Variants in ATF3 observed in about 807,000 individuals in gnomAD.
ATF3 encodes the protein activating transcription factor 3.
ATF3 carries 10 observed loss-of-function variants against 18.4 expected under a neutral mutation model. The ratio of observed to expected loss-of-function variants is 0.54; its 90% CI spans 0.34 to 0.92. The LOEUF is 0.92. ATF3 is among the 40% of genes least tolerant of loss of function. The pLI is 0.02. For missense variants in ATF3, 183 were observed against 222.3 expected, an observed-to-expected ratio of 0.82 and a Z score of 1.12; for synonymous variants, 78 against 87.9, an observed-to-expected ratio of 0.89 and a Z score of 0.63.
chr1:212,575,988 C>A (rs74138382), intron 1 of ATF3, among the ~76,000 whole-genome samples: 13,227 of 152,050 alleles, frequency 0.087, 1,256 homozygotes, highest in African/African-American at 0.25. Context: ...AAAATAAGTT[C>A]GGAAATTCTC....
chr1:212,566,219 T>A (rs1333932503), intron 1 of ATF3, among the ~76,000 whole-genome samples: 4 of 152,160 alleles, frequency 2.6e-5, no homozygotes, highest in African/African-American at 9.7e-5. Flanking sequence ...TTTTGGTTAC[T>A]CCTCTCATCT....
chr1:212,585,462 C>A (rs1664763642), intron 1 of ATF3, among the ~76,000 whole-genome samples: 1 of 152,202 alleles, frequency 6.6e-6, no homozygotes, highest in Admixed American at 6.5e-5. Context: ...CAGGCTTCAC[C>A]ATCAGAGGAG....
At chr1:212,605,102 A>T (rs936508184), upstream of ATF3, among the ~76,000 whole-genome samples, 2 of 152,194 alleles carry the variant, frequency 1.3e-5, no homozygotes, top group Admixed American at 6.5e-5. Flanking sequence ...TAATTAATTA[A>T]TGATACCACT....
chr1:212,583,010 C>T (rs1157627548), intron 1 of ATF3, among the ~76,000 whole-genome samples: 1 of 152,100 alleles, frequency 6.6e-6, no homozygotes, highest in Non-Finnish European at 1.5e-5. Context: ...CCCTTCATCT[C>T]TCCAGGGAAA....
chr1:212,588,030 G>T (rs1164504089), intron 1 of ATF3, among the ~76,000 whole-genome samples: 3 of 151,464 alleles, frequency 2.0e-5, no homozygotes, highest in Non-Finnish European at 4.4e-5. Flanking sequence ...TATGGGAGGT[G>T]AGTGAGAGGG....
chr1:212,618,781 GC>G lies in ATF3; in HGVS notation c.348+548del. ...CGCCTGAGAGACACTAGGGGAAATA[GC>G]TTTTGTGGGCAAGCAGGGTGGCCGG... On this transcript the variant is annotated intron_variant, in intron 3 of 3. Transcript: ENST00000341491. The surrounding 1 kb of genome is among the most constrained non-coding windows in gnomAD (Gnocchi z 4.4). 1.8e-6 allele frequency: 1 copy of G among 555,114 alleles called. No homozygotes were observed. The highest frequency in any genetic ancestry group is 3.2e-6 in the Non-Finnish European group (1 of 310,680). 34.4% of individuals were successfully genotyped at this position (555,114 alleles called of 1,614,324 possible).
chr1:212,587,097 G>C lies in ATF3; in HGVS notation c.-5+21614G>C, dbSNP rs1166361256. ...AGTGGAATGGGTGAGTTAGAGGGAA[G>C]GCGGGAGAAGAAGATTACGTTTCGG... On this transcript the variant is annotated intron_variant, in intron 1 of 3. Transcript: ENST00000366981. Among the ~76,000 whole-genome samples, 4 of 152,310 alleles carry C rather than the reference G, an allele frequency of 2.6e-5. No homozygotes were observed. The South Asian group carries it at 8.3e-4, about 32-fold the overall frequency.
At chr1:212,597,634 C>G (rs1013787258) in intron 1 of ATF3, among the ~76,000 whole-genome samples, 5 of 152,192 alleles carry the variant, frequency 3.3e-5, no homozygotes, top group African/African-American at 4.8e-5. Context: ...TCCCTTAGCA[C>G]AGCCTCCTTG....
chr1:212,618,237 G>A lies in ATF3; in HGVS notation c.348+3G>A. The A allele has an allele frequency of 6.2e-7, 1 of 1,613,914 alleles. No homozygotes were observed. The highest frequency in any genetic ancestry group is 8.5e-7 in the Non-Finnish European group (1 of 1,179,818). ...AGAAGACGGAGTGCCTGCAGAAAGT[G>A]AGTGCCTTCTAGCCTTACCCTTCCT... On this transcript the variant is annotated splice_donor_region_variant and intron_variant, in intron 3 of 3. Transcript: ENST00000341491. This position sits in a 1 kb window ranked among gnomAD's most constrained non-coding sequence, Gnocchi z 4.4.
chr1:212,568,896 G>T (rs917274531), intron 1 of ATF3, among the ~76,000 whole-genome samples: 3 of 151,966 alleles, frequency 2.0e-5, no homozygotes, highest in Non-Finnish European at 4.4e-5. Flanking sequence ...TTGGGTGTGG[G>T]TGACTATTCC....
chr1:212,579,006 CTTTTTTTT>C (rs10565752), intron 1 of ATF3, among the ~76,000 whole-genome samples: 1 of 84,540 alleles, frequency 1.2e-5, no homozygotes, highest in Non-Finnish European at 2.3e-5. Context: ...TCTCTGGAGA[CTTTTTTTT>C]TTTTTTTTTT....
Position 212,603,315 on chromosome 1 carries a change from A to C in ATF3, c.-4-11703A>C, listed in dbSNP as rs547819560. ...ATTTTCTGCTTCAAGGTAGATGAAG[A>C]GGAAATAAAGGAGGATGGGAAGCAG... On this transcript the variant is annotated intron_variant, in intron 1 of 3. Coordinates refer to the ATF3 transcript ENST00000366981. Among the ~76,000 whole-genome samples, 7 of 152,344 alleles carry C rather than the reference A, an allele frequency of 4.6e-5. No homozygotes were observed. The South Asian group carries it at 1.5e-3, about 32-fold the overall frequency.
intron 1 of ATF3, among the ~76,000 whole-genome samples, chr1:212,574,540 A>C (rs1664540387): frequency 6.6e-6 from 1 of 151,966 alleles, no homozygotes; most frequent in Non-Finnish European, 1.5e-5. Context: ...ATGTAATCAA[A>C]TATATCCCTC....
At chr1:212,574,464 C>G (rs558895114) in intron 1 of ATF3, among the ~76,000 whole-genome samples, 8 of 151,930 alleles carry the variant, frequency 5.3e-5, no homozygotes, top group African/African-American at 1.9e-4. Context: ...AATGCTTTCT[C>G]CTGTTCTATA....
At chr1:212,573,398 T>G (rs1664518652) in intron 1 of ATF3, among the ~76,000 whole-genome samples, 7 of 152,036 alleles carry the variant, frequency 4.6e-5, no homozygotes, top group Admixed American at 4.6e-4. Flanking sequence ...ATGTAATATA[T>G]TATACTATTG....
intron 1 of ATF3, among the ~76,000 whole-genome samples, chr1:212,593,677 G>A (rs896819260): frequency 6.8e-6 from 1 of 147,790 alleles, no homozygotes; most frequent in African/African-American, 2.5e-5. Flanking sequence ...GGGGATCAAG[G>A]CTGCAGTGAG....
At position 212,615,105 on chromosome 1, in the gene ATF3, A is replaced by T. The variant is rs1468696877; in HGVS notation, c.84A>T (p.Ser28=). Residue 28 remains serine (S), a synonymous_variant, in exon 2 of 4, where the codon TCA becomes TCT. Transcript: ENST00000341491. The part of the protein sequence containing the change: ...AIVPCLSPPG[S]LVFEDFANLT... ...TCCCCTGCCTGTCCCCTCCTGGGTC[A>T]CTGGTGTTTGAGGATTTTGCTAACC... 4 of 1,614,184 alleles carry T rather than the reference A, an allele frequency of 2.5e-6. No homozygotes were observed. The Admixed American group carries it at 6.7e-5, about 27-fold the overall frequency.
At position 212,619,325 on chromosome 1, in the gene ATF3, C is replaced by T. The variant is rs1655270155; in HGVS notation, c.349-33C>T. 1.2e-6 allele frequency: 2 copies of T among 1,612,464 alleles called. No homozygotes were observed. Among genetic ancestry groups the T allele is most frequent in the South Asian group, 1.1e-5 (1 of 90,862 alleles). The stretch of plus-strand genomic sequence containing the variant: ...ACCCCCTCCTCACTGGCCCTTGGCT[C>T]CTTTCTTGATGCCTCTGTTGCTTGT... On this transcript the variant is annotated intron_variant, in intron 3 of 3. Transcript: ENST00000341491. The surrounding 1 kb of genome is among the most constrained non-coding windows in gnomAD (Gnocchi z 4.4).
intron 1 of ATF3, among the ~76,000 whole-genome samples, chr1:212,602,191 A>T (rs1483286972): frequency 2.0e-5 from 3 of 152,140 alleles, no homozygotes; most frequent in Non-Finnish European, 4.4e-5. Context: ...CTTCTACCCT[A>T]CACCATCCCC....
Sources: gnomAD v4.1 joint callset for allele counts (sites outside exome capture counted in the v4.1 genomes callset) on GRCh38, gnomAD v4.1.1 for gene constraint, Gnocchi (gnomAD v3.1) non-coding constraint, MANE v1.5 for transcripts, NCBI Gene and HGNC (gene_info 2026-07-23, HGNC 2026-07-21) for gene names.